Variants in HAP1 observed in about 807,000 individuals in gnomAD.
HAP1 encodes huntingtin associated protein 1.
Under a neutral mutation model 60.3 loss-of-function variants are expected in HAP1, and 59 were observed. That is an observed-to-expected ratio of 0.98 (90% CI 0.79 to 1.22). HAP1 has a LOEUF of 1.22. HAP1 is among the 50% of genes most tolerant of loss of function. The pLI, the probability that HAP1 is intolerant of heterozygous loss-of-function variation, is 0.00. For synonymous variants in HAP1, 346 were observed against 330.6 expected (o/e 1.05, Z -0.50); for missense variants, 825 against 785.3 (o/e 1.05, Z -0.60).
chr17:41,727,491 C>T, intron 8 of HAP1: 1 of 768,196 alleles, frequency 1.3e-6, no homozygotes, highest in East Asian at 2.4e-5. Flanking sequence ...AGCACTCCTG[C>T]CTATCTGCTC....
At chr17:41,733,892 G>C (rs1221861707) in intron 1 of HAP1, among the ~76,000 whole-genome samples, 1 of 152,076 alleles carries the variant, frequency 6.6e-6, no homozygotes, top group South Asian at 2.1e-4. Context: ...GGGCGCTGAA[G>C]GGGTGCAGAT....
At chr17:41,721,273 T>C (rs1043129304), downstream of HAP1, 2 of 152,468 alleles carry the variant, frequency 1.3e-5, no homozygotes, top group Non-Finnish European at 2.9e-5. Flanking sequence ...ACCAGAGAAT[T>C]TGGCAGTCCC....
At position 41,724,886 on chromosome 17, in the gene HAP1, CTGA is replaced by C. The variant is rs781870323; in HGVS notation, c.1672_1674del (p.Ser558del). On this transcript the variant is annotated inframe_deletion, in exon 11 of 11. Transcript: ENST00000347901. ...GGGCCCAAGCCGCTGGCCTCCAGGG[CTGA>C]TGTCACCACGTTCATCCGCGTTGCC... 361 of 1,613,676 alleles carry C rather than the reference CTGA, an allele frequency of 2.2e-4. No homozygotes were observed. Among genetic ancestry groups the C allele is most frequent in the Non-Finnish European group, 3.0e-4 (356 of 1,180,004 alleles).
At chr17:41,731,292 C>A (rs531099975) in intron 6 of HAP1, among the ~76,000 whole-genome samples, 6 of 152,256 alleles carry the variant, frequency 3.9e-5, no homozygotes, top group African/African-American at 1.4e-4. Context: ...TCTTCATAAA[C>A]CCTGGAGAGA....
In HAP1 at chr17:41,724,451, T is replaced by C. The variant is rs1555587984; in HGVS notation, c.*250A>G. 8.1e-6 allele frequency: 4 copies of C among 494,346 alleles called. No homozygotes were observed. Among genetic ancestry groups the C allele is most frequent in the South Asian group, 6.6e-5 (2 of 30,442 alleles). 30.6% of individuals were successfully genotyped at this position (494,346 alleles called of 1,614,324 possible). A position where few individuals can be genotyped will look rare whatever the true frequency, so the allele number is the denominator to read the frequency against. On this transcript the variant is annotated 3_prime_UTR_variant, in exon 11 of 11. Coordinates refer to ENST00000347901, the MANE Select transcript of HAP1 (RefSeq NM_177977.3). The stretch of plus-strand genomic sequence containing the variant: ...GGCAGGGGAAGCAAGCGGGCAGAGA[T>C]GGGAAGCTGAGGCGCAGTGTGGGGG...
At position 41,732,338 on chromosome 17, in the gene HAP1, CCT is replaced by C. The variant is rs782465826; in HGVS notation, c.604_605del (p.Arg202GlyfsTer49). 3.1e-6 allele frequency: 5 copies of C among 1,613,926 alleles called. No individual in the cohort carries two copies. In the South Asian group the frequency reaches 4.4e-5, roughly 14 times the overall value. On this transcript the variant is annotated frameshift_variant, in exon 3 of 11. Transcript: ENST00000347901. LOFTEE classifies it high-confidence loss of function. ...VTYGMVLQRE[R>X]DLNTAARIGQ... Reference sequence around the variant, plus strand: ...CGATGCGAGCTGCAGTGTTCAGGTCCCTCTCTCTCTGCAGGACCATCCCATAG... The same window carrying C: ...CGATGCGAGCTGCAGTGTTCAGGTCCCTCTCTCTGCAGGACCATCCCATAG...
In HAP1 at chr17:41,724,643, G is replaced by A. The variant is rs1189701520; in HGVS notation, c.*58C>T. 2.1e-5 allele frequency: 26 copies of A among 1,268,000 alleles called. No individual in the cohort carries two copies. Among genetic ancestry groups the A allele is most frequent in the Non-Finnish European group, 2.7e-5 (24 of 892,606 alleles). 78.5% of individuals were successfully genotyped at this position (1,268,000 alleles called of 1,614,324 possible). On this transcript the variant is annotated 3_prime_UTR_variant, in exon 11 of 11. Coordinates refer to ENST00000347901, the MANE Select transcript of HAP1 (RefSeq NM_177977.3). ...TGCAAAGTCCATGCAAATAAGCACA[G>A]CAGGTAGAGCCAGGCTGGGGCAGGT...
intron 7 of HAP1, 26 bp downstream of exon 7, chr17:41,728,175 G>GA: frequency 6.2e-7 from 1 of 1,605,896 alleles, no homozygotes; most frequent in Non-Finnish European, 8.5e-7. Context: ...GCCACGACAA[G>GA]AGGGTTCCAC....
rs985842074 is a variant in HAP1, at chr17:41,732,041, C to T, written c.792G>A (p.Glu264=). 1 of 1,588,152 alleles carries T rather than the reference C, an allele frequency of 6.3e-7. No individual in the cohort carries two copies. Among genetic ancestry groups the T allele is most frequent in the Non-Finnish European group, 8.6e-7 (1 of 1,156,462 alleles). ...TTTCTTCCTCCTCCTCTTCTTCATC[C>T]TCATCCTCCTCATCAGAATCTGAGT... is the stretch of plus-strand genomic sequence containing the variant. ...QLYSDSDEED[E]DEEEEEEEKE... The change falls in exon 4 of 11, where the codon GAG becomes GAA. Residue 264 remains glutamate (E), a synonymous_variant. Transcript: ENST00000347901.
At chr17:41,728,424 G>A (rs562601724) in intron 6 of HAP1, 93 bp from the exon 7 acceptor site, 36 of 1,203,694 alleles carry the variant, frequency 3.0e-5, no homozygotes, top group Admixed American at 1.7e-4. Flanking sequence ...CCCCACCCTC[G>A]GCTGCTGCGC....
In HAP1 at chr17:41,725,016, C is replaced by T. The variant is rs1555588369; in HGVS notation, c.1545G>A (p.Gly515=). The part of the protein sequence containing the change: ...AEEFVPQEEL[G]AAKKVPAEEG... The stretch of plus-strand genomic sequence containing the variant: ...CCTCAGCCGGCACCTTCTTGGCAGC[C>T]CCCAGCTCCTCCTGGGGCACGAACT... The change falls in exon 11 of 11, where the codon GGG becomes GGA. Residue 515 remains glycine (G), a synonymous_variant. Coordinates refer to ENST00000347901, the MANE Select transcript of HAP1 (RefSeq NM_177977.3). 1.2e-6 allele frequency: 2 copies of T among 1,612,276 alleles called. No homozygotes were observed. Among genetic ancestry groups the T allele is most frequent in the Non-Finnish European group, 8.5e-7 (1 of 1,179,270 alleles).
At chr17:41,733,038 G>GTTTTTTTTTTTTTTTTTTGTTT (rs10679002) in intron 1 of HAP1, among the ~76,000 whole-genome samples, 36 of 107,200 alleles carry the variant, frequency 3.4e-4, no homozygotes, top group Middle Eastern at 6.8e-3. Context: ...GTTTTTTTTG[G>GTTTTTTTTTTTTTTTTTTGTTT]TTTTTTTTTT....
intron 6 of HAP1, among the ~76,000 whole-genome samples, chr17:41,730,842 C>T (rs1417111737): frequency 3.3e-5 from 5 of 152,130 alleles, no homozygotes; most frequent in Non-Finnish European, 7.4e-5. Context: ...GCCCTGGGTG[C>T]CTGGTCTCTG....
chr17:41,732,914 G>C (rs1456837269), intron 1 of HAP1, 116 bp from the exon 2 acceptor site: 4 of 706,498 alleles, frequency 5.7e-6, no homozygotes, highest in African/African-American at 5.2e-5. Context: ...AAGGGTCATC[G>C]GGAGAGAAGA....
At chr17:41,726,206 A>G (rs1254233461) in intron 9 of HAP1, among the ~76,000 whole-genome samples, 3 of 152,190 alleles carry the variant, frequency 2.0e-5, no homozygotes, top group East Asian at 1.9e-4. Context: ...CAAGGTCAGG[A>G]GTTCAAGACT....
Position 41,724,516 on chromosome 17 carries a change from A to C in HAP1, c.*185T>G. 1 of 575,622 alleles carries C rather than the reference A, an allele frequency of 1.7e-6. No individual in the cohort carries two copies. The highest frequency in any genetic ancestry group is 2.9e-5 in the East Asian group (1 of 34,862). 35.7% of individuals were successfully genotyped at this position (575,622 alleles called of 1,614,324 possible). On this transcript the variant is annotated 3_prime_UTR_variant, in exon 11 of 11. Transcript: ENST00000347901. ...TAACCCCCAGCCCAGCCCCCAGGAGAAAAGTGGATGGAGATCTGGAATCCT... is the reference window on the plus strand; with the variant it reads ...TAACCCCCAGCCCAGCCCCCAGGAGCAAAGTGGATGGAGATCTGGAATCCT...
In HAP1 at chr17:41,731,547, C is replaced by T. The variant is rs782208161; in HGVS notation, c.1015G>A (p.Asp339Asn). Reference sequence around the variant, plus strand: ...ATCTGTTCCTCATCCTCAAGAGTGTCGAGTTGAGAGGCCTGGAGGGAGACA... The same window carrying T: ...ATCTGTTCCTCATCCTCAAGAGTGTTGAGTTGAGAGGCCTGGAGGGAGACA... ...HQLREEASQL[D>N]TLEDEEQMLI... The change falls in exon 6 of 11, where the codon GAC becomes AAC. Residue 339 changes from aspartate (D) to asparagine (N), a missense_variant. Physicochemically the swap from Asp to Asn is conservative, Grantham distance 23. Coordinates refer to ENST00000347901, the MANE Select transcript of HAP1 (RefSeq NM_177977.3). The T allele has an allele frequency of 8.8e-5, 142 of 1,612,634 alleles. No homozygotes were observed. The East Asian group carries it at 2.5e-3, about 29-fold the overall frequency.
downstream of HAP1, chr17:41,721,133 C>G (rs1567776563): frequency 6.6e-6 from 1 of 152,168 alleles, no homozygotes; most frequent in Non-Finnish European, 1.5e-5. Flanking sequence ...CCCCAGAGTT[C>G]CCAGCAGGAC....
chr17:41,727,344 G>A (rs143134174), intron 8 of HAP1, 200 bp from the exon 9 acceptor site: 195 of 780,700 alleles, frequency 2.5e-4, no homozygotes, highest in Non-Finnish European at 4.2e-4. Flanking sequence ...AGTGGACACT[G>A]GGGGTTGCTG....
Sources: allele counts gnomAD v4.1 joint callset (sites outside exome capture counted in the v4.1 genomes callset), GRCh38; gene constraint gnomAD v4.1.1; transcripts MANE v1.5; gene names NCBI Gene and HGNC (gene_info 2026-07-23, HGNC 2026-07-21).